SCN8A: variants seen among roughly 807,000 people sequenced by gnomAD.
SCN8A encodes sodium voltage-gated channel alpha subunit 8, also known as sodium channel protein type 8 subunit alpha.
In SCN8A, 30 loss-of-function variants were observed where a neutral mutation model predicts 184.1. That is an observed-to-expected ratio of 0.16 (90% CI 0.12 to 0.22). The LOEUF is 0.22. Among genes scored for constraint, SCN8A ranks in the 10% least tolerant of loss-of-function variants. The pLI is 1.00. For synonymous variants in SCN8A, 852 were observed against 907.0 expected, an observed-to-expected ratio of 0.94 and a Z score of 1.09; for missense variants, 1,057 against 2,498.9, an observed-to-expected ratio of 0.42 and a Z score of 12.30.
In SCN8A at chr12:51,808,074, G is replaced by T. The variant is rs890163654; in HGVS notation, c.*645G>T. 6 of 165,638 alleles carry T rather than the reference G, an allele frequency of 3.6e-5. No homozygotes were observed. Among genetic ancestry groups the T allele is most frequent in the Admixed American group, 1.6e-4 (3 of 18,260 alleles). 10.3% of individuals were successfully genotyped at this position (165,638 alleles called of 1,614,324 possible). A position where few individuals can be genotyped will look rare whatever the true frequency, so the allele number is the denominator to read the frequency against. On this transcript the variant is annotated 3_prime_UTR_variant, in exon 27 of 27. Transcript: ENST00000627620. ...TTGTGCTCGTTCAATGCGTAGAAAT[G>T]ATTTGCATGATGGCATGCCGTGATC...
rs1380654654 is a variant in SCN8A at position 51,701,170 on chromosome 12, C to A, written c.955C>A (p.Leu319Met). The A allele has an allele frequency of 1.2e-6, 2 of 1,612,806 alleles. No individual in the cohort carries two copies. The highest frequency in any genetic ancestry group is 3.3e-5 in the Admixed American group (2 of 59,908). The change falls in exon 8 of 27, where the codon CTG (leucine) becomes ATG (methionine). Residue 319 changes from leucine to methionine, a missense_variant. This residue lies in a region of SCN8A where 26 missense variants were observed against 44.4 expected (regional missense o/e 0.59). Coordinates refer to ENST00000627620, the MANE Select transcript of SCN8A (RefSeq NM_001330260.2). ...AAATTTCTACACAGTTCCTGGCATG[C>A]TGGAACCTTTACTCTGTGGGAACAG... The part of the protein sequence containing the change: ...KTNFYTVPGM[L>M]EPLLCGNSSD...
chr12:51,800,219 G>A (rs1337926234), intron 26 of SCN8A, among the ~76,000 whole-genome samples: 1 of 152,256 alleles, frequency 6.6e-6, no homozygotes, highest in African/African-American at 2.4e-5. Flanking sequence ...TGCCAAATCC[G>A]TAGCTGCATA....
At chr12:51,710,954 GT>G (rs2138758977) in intron 11 of SCN8A, among the ~76,000 whole-genome samples, 1 of 152,204 alleles carries the variant, frequency 6.6e-6, no homozygotes, top group African/African-American at 2.4e-5. Flanking sequence ...TAAAGTCAAG[GT>G]CTGCTTCTTA....
chr12:51,686,662 C>G (rs1941425888), intron 4 of SCN8A, among the ~76,000 whole-genome samples: 1 of 152,210 alleles, frequency 6.6e-6, no homozygotes, highest in South Asian at 2.1e-4. Context: ...CTTCACTCCA[C>G]CCTTTCCTGT....
At chr12:51,695,072 G>A (rs956233346) in intron 6 of SCN8A, among the ~76,000 whole-genome samples, 13 of 152,074 alleles carry the variant, frequency 8.5e-5, no homozygotes, top group Admixed American at 2.6e-4. Flanking sequence ...ACATGAAGCC[G>A]CATCACCTTT....
At chr12:51,740,303 C>T (rs2138818208) in intron 12 of SCN8A, among the ~76,000 whole-genome samples, 1 of 152,370 alleles carries the variant, frequency 6.6e-6, no homozygotes, top group East Asian at 1.9e-4. Flanking sequence ...TTCCCTCTTA[C>T]TAGTGCTTGC....
chr12:51,639,692 C>T (rs141337341), intron 1 of SCN8A, among the ~76,000 whole-genome samples: 1 of 151,966 alleles, frequency 6.6e-6, no homozygotes, highest in African/African-American at 2.4e-5. Flanking sequence ...TCATTGTTGT[C>T]TTATTTTAAG....
chr12:51,747,327 G>T (rs1485885459), intron 13 of SCN8A, among the ~76,000 whole-genome samples: 1 of 151,990 alleles, frequency 6.6e-6, no homozygotes, highest in African/African-American at 2.4e-5. Flanking sequence ...TTACCATCGG[G>T]GTTATTGTCT....
chr12:51,722,680 G>A (rs1001108671), intron 12 of SCN8A: 2 of 152,224 alleles, frequency 1.3e-5, no homozygotes, highest in African/African-American at 4.8e-5. Context: ...GAAAAAGTGG[G>A]AGGTTGGGGC....
At position 51,706,726 on chromosome 12, in the gene SCN8A, C is replaced by CT. The variant is rs756694666; in HGVS notation, c.1635+17dup. ...TCCATCATGAATCAGGTAAACTCTTCTTTTTTCTATACCTTTTTCAAAAAT... is the reference window on the plus strand; with the variant it reads ...TCCATCATGAATCAGGTAAACTCTTCTTTTTTTCTATACCTTTTTCAAAAAT... On this transcript the variant is annotated intron_variant, in intron 11 of 26. Transcript: ENST00000627620. 14 of 1,500,468 alleles carry CT rather than the reference C, an allele frequency of 9.3e-6. No individual in the cohort carries two copies. The African/African-American group carries it at 1.4e-4, about 15-fold the overall frequency. 92.9% of individuals were successfully genotyped at this position (1,500,468 alleles called of 1,614,324 possible).
chr12:51,732,583 A>AT (rs565372601), intron 12 of SCN8A, among the ~76,000 whole-genome samples: 232 of 151,652 alleles, frequency 1.5e-3, no homozygotes, highest in African/African-American at 5.1e-3. Context: ...AAATTTTAGG[A>AT]TTTTTTTTCT....
At chr12:51,624,614 T>G (rs539144307) in intron 1 of SCN8A, among the ~76,000 whole-genome samples, 1 of 152,206 alleles carries the variant, frequency 6.6e-6, no homozygotes, top group South Asian at 2.1e-4. Flanking sequence ...CTCTTTAGTT[T>G]AATTAGATCC....
intron 1 of SCN8A, among the ~76,000 whole-genome samples, chr12:51,614,841 A>G (rs1939799469): frequency 6.8e-6 from 1 of 147,970 alleles, no homozygotes; most frequent in African/African-American, 2.5e-5. Flanking sequence ...TTCCTTTTTG[A>G]AAAAATTGTA....
intron 12 of SCN8A, among the ~76,000 whole-genome samples, chr12:51,743,441 G>T (rs1242325264): frequency 6.6e-6 from 1 of 152,166 alleles, no homozygotes; most frequent in East Asian, 1.9e-4. Context: ...ATACCACCTT[G>T]GTGGTCTTGG....
chr12:51,784,462 G>C (rs1938019858), intron 21 of SCN8A, among the ~76,000 whole-genome samples: 1 of 152,118 alleles, frequency 6.6e-6, no homozygotes, highest in Admixed American at 6.5e-5. Flanking sequence ...GGCTGAGGCA[G>C]GAGAATCGCT....
intron 1 of SCN8A, among the ~76,000 whole-genome samples, chr12:51,629,968 TG>T (rs1423236809): frequency 6.6e-6 from 1 of 152,198 alleles, no homozygotes; most frequent in African/African-American, 2.4e-5. Context: ...TGCAATTCTA[TG>T]GTGGAGGAGG....
intron 1 of SCN8A, among the ~76,000 whole-genome samples, chr12:51,608,021 C>CTT (rs749172465): frequency 1.2e-4 from 16 of 133,468 alleles, no homozygotes; most frequent in Non-Finnish European, 1.9e-4. Flanking sequence ...TTTCTTTTTC[C>CTT]TTTTTTTTTT....
chr12:51,770,366 C>G (rs1410620556), intron 18 of SCN8A, 163 bp from the exon 19 acceptor site: 6 of 790,352 alleles, frequency 7.6e-6, no homozygotes, highest in Non-Finnish European at 1.2e-5. Context: ...ATAGCCCCAG[C>G]CCTGCCACCC....
At chr12:51,757,312 A>AT (rs56121313) in intron 14 of SCN8A, among the ~76,000 whole-genome samples, 109,509 of 150,424 alleles carry the variant, frequency 0.73, 42,685 homozygotes, top group East Asian at 0.91. Context: ...TCATGGTCAC[A>AT]TTTTTTTTTT....
Sources: gnomAD v4.1 joint callset for allele counts (sites outside exome capture counted in the v4.1 genomes callset) on GRCh38, gnomAD v4.1.1 for gene constraint, gnomAD v4.1.1 regional missense constraint, MANE v1.5 for transcripts, NCBI Gene and HGNC (gene_info 2026-07-23, HGNC 2026-07-21) for gene names.